The following CCDC66 variants were observed in gnomAD, a reference collection of about 807,000 sequenced individuals.
The protein encoded by CCDC66 is coiled-coil domain-containing protein 66.
CCDC66 carries 133 observed loss-of-function variants against 128.3 expected under a neutral mutation model. That is an observed-to-expected ratio of 1.04 (90% CI 0.90 to 1.20). The LOEUF (loss-of-function observed/expected upper bound fraction) is 1.20. Ranked by LOEUF, CCDC66 falls within the 50% of genes most tolerant of loss-of-function variation. The probability of loss-of-function intolerance (pLI) is 0.00; values close to 1 mark genes in which losing one functional copy is unlikely to be tolerated. For missense variants in CCDC66, 1,126 were observed against 1,075.5 expected, an observed-to-expected ratio of 1.05 and a Z score of -0.66; for synonymous variants, 387 against 357.0, an observed-to-expected ratio of 1.08 and a Z score of -0.95.
At chr3:56,603,075 T>A (rs942880666) in intron 10 of CCDC66, among the ~76,000 whole-genome samples, 1 of 151,960 alleles carries the variant, frequency 6.6e-6, no homozygotes, top group Non-Finnish European at 1.5e-5. Context: ...AACCTCGTGA[T>A]CCACCCACCT....
rs201503027 is a variant in CCDC66, at chr3:56,561,106, C to CA, written c.102+1513dup. The CA allele has an allele frequency of 8.6e-3, 3,657 of 424,584 alleles. 27 individuals carry two copies. Among genetic ancestry groups the CA allele is most frequent in the Non-Finnish European group, 0.013 (2,740 of 213,688 alleles). 26.3% of individuals were successfully genotyped at this position (424,584 alleles called of 1,614,324 possible). On this transcript the variant is annotated intron_variant, in intron 3 of 17. Transcript: ENST00000394672. ...ATATACCATGTATGCTCCCCAATCA[C>CA]AGACTACAGATTGTATGTTATTCCT...
chr3:56,598,480 CTTGTT>C (rs2072540012), intron 10 of CCDC66, among the ~76,000 whole-genome samples: 1 of 151,766 alleles, frequency 6.6e-6, no homozygotes, highest in African/African-American at 2.4e-5. Flanking sequence ...AGTGGGCATC[CTTGTT>C]TTGTTTTAGC....
chr3:56,609,071 G>A (rs558892708), intron 10 of CCDC66, among the ~76,000 whole-genome samples: 2 of 152,284 alleles, frequency 1.3e-5, no homozygotes, highest in African/African-American at 4.8e-5. Context: ...TGAATAGAAT[G>A]TGTATTCTGT....
In CCDC66 at chr3:56,621,643, T is replaced by G; in HGVS notation, c.*25T>G. 1.3e-6 allele frequency: 2 copies of G among 1,504,574 alleles called. No homozygotes were observed. The highest frequency in any genetic ancestry group is 1.8e-6 in the Non-Finnish European group (2 of 1,093,128). 93.2% of individuals were successfully genotyped at this position (1,504,574 alleles called of 1,614,324 possible). A position where few individuals can be genotyped will look rare whatever the true frequency, so the allele number is the denominator to read the frequency against. The stretch of plus-strand genomic sequence containing the variant: ...AATGTAGAAAATCAAATCCTTCACA[T>G]TTGATTTGTGTCTTCCAAATTATAA... On this transcript the variant is annotated 3_prime_UTR_variant, in exon 18 of 18. Coordinates refer to ENST00000394672, the MANE Select transcript of CCDC66 (RefSeq NM_001141947.3).
intron 10 of CCDC66, among the ~76,000 whole-genome samples, chr3:56,611,627 T>G (rs2074841885): frequency 7.3e-6 from 1 of 137,788 alleles, no homozygotes; most frequent in South Asian, 2.3e-4. Flanking sequence ...TGTTACAAAG[T>G]TCATCTAGAG....
At chr3:56,601,097 T>C (rs1055690489) in intron 10 of CCDC66, among the ~76,000 whole-genome samples, 18 of 152,280 alleles carry the variant, frequency 1.2e-4, no homozygotes, top group Middle Eastern at 3.4e-3. Flanking sequence ...AGGGTTTTTA[T>C]GGTTTTAGGT....
At chr3:56,588,440 C>T (rs2070227837) in intron 7 of CCDC66, among the ~76,000 whole-genome samples, 1 of 152,048 alleles carries the variant, frequency 6.6e-6, no homozygotes, top group Admixed American at 6.5e-5. Flanking sequence ...CCTGTTCCCC[C>T]AAAACCTATA....
rs751905245 is a variant in CCDC66, at chr3:56,571,269, A to G, written c.903A>G (p.Ile301Met). Residue 301 changes from isoleucine (I) to methionine (M), a missense_variant, in exon 7 of 18, where the codon ATA (isoleucine) becomes ATG (methionine). Coordinates refer to ENST00000394672, the MANE Select transcript of CCDC66 (RefSeq NM_001141947.3). ...AAAAATCTGAAAGTGATAAAATAAT[A>G]TGGGAAAAACATCAAATTCTTGACC... ...PWKKSESDKI[I>M]WEKHQILDQS... 10 of 1,543,608 alleles carry G rather than the reference A, an allele frequency of 6.5e-6. No individual in the cohort carries two copies. The highest frequency in any genetic ancestry group is 1.9e-5 in the Admixed American group (1 of 52,246).
intron 7 of CCDC66, among the ~76,000 whole-genome samples, chr3:56,580,670 G>A (rs2068207490): frequency 6.6e-6 from 1 of 151,764 alleles, no homozygotes; most frequent in Non-Finnish European, 1.5e-5. Context: ...CATTTATGAA[G>A]CTTAGTTTGG....
intron 15 of CCDC66, 198 bp from the exon 16 acceptor site, chr3:56,619,073 C>G (rs1389992646): frequency 2.1e-6 from 1 of 479,456 alleles, no homozygotes; most frequent in Non-Finnish European, 3.6e-6. Flanking sequence ...CAGAAACTAG[C>G]TGGGCACTGT....
rs754312288 is a variant in CCDC66, at chr3:56,609,567, A to G, written c.1405-4022A>G. Among the ~76,000 whole-genome samples the G allele has an allele frequency of 5.9e-5, 9 of 152,342 alleles. 1 individual carries two copies. Among genetic ancestry groups the G allele is most frequent in the Admixed American group, 1.3e-4 (2 of 15,302 alleles). On this transcript the variant is annotated intron_variant, in intron 10 of 17. Transcript: ENST00000394672. Reference sequence around the variant, plus strand: ...TAAGTGGAGCCTTTAGGCCATTTACATTCAATGTTAATATTGAAATGTGAG... The same window carrying G: ...TAAGTGGAGCCTTTAGGCCATTTACGTTCAATGTTAATATTGAAATGTGAG...
At position 56,618,208 on chromosome 3, in the gene CCDC66, G is replaced by C; in HGVS notation, c.2374G>C (p.Glu792Gln). The C allele has an allele frequency of 2.5e-6, 4 of 1,612,886 alleles. No homozygotes were observed. The highest frequency in any genetic ancestry group is 2.5e-6 in the Non-Finnish European group (3 of 1,178,924). ...EPLNIHSFSK[E>Q]RSPSSPVPVV... The stretch of plus-strand genomic sequence containing the variant: ...TCTGAATATTCATTCATTCAGCAAG[G>C]AAAGGTAAGTATGCATCAGATTAAT... The change falls in exon 15 of 18, where the codon GAA becomes CAA. Residue 792 changes from glutamate (E) to glutamine (Q), a missense_variant. Physicochemically the swap from Glu to Gln is conservative, Grantham distance 29. Transcript: ENST00000394672.
chr3:56,586,683 A>G (rs1207101124), intron 7 of CCDC66, among the ~76,000 whole-genome samples: 1 of 151,954 alleles, frequency 6.6e-6, no homozygotes, highest in Non-Finnish European at 1.5e-5. Flanking sequence ...CTTTGTTAAA[A>G]AGCAGAGATA....
intron 10 of CCDC66, 85 bp from the exon 11 acceptor site, chr3:56,613,504 T>C: frequency 6.7e-7 from 1 of 1,487,558 alleles, no homozygotes; most frequent in Non-Finnish European, 9.0e-7. Context: ...AGGTGAGCAC[T>C]GAATGTATCT....
chr3:56,621,733 C>A lies in CCDC66; in HGVS notation c.*115C>A. ...AGATTTACTTATTTTTTTAAATGCT[C>A]ATTAAAAACTTGTATACTATGTAGT... On this transcript the variant is annotated 3_prime_UTR_variant, in exon 18 of 18. Coordinates refer to ENST00000394672, the MANE Select transcript of CCDC66 (RefSeq NM_001141947.3). 8 of 528,092 alleles carry A rather than the reference C, an allele frequency of 1.5e-5. No homozygotes were observed. Among genetic ancestry groups the A allele is most frequent in the Middle Eastern group, 6.2e-4 (1 of 1,622 alleles). 32.7% of individuals were successfully genotyped at this position (528,092 alleles called of 1,614,324 possible).
At chr3:56,566,527 C>T (rs181954486) in intron 4 of CCDC66, 67 bp from the exon 5 acceptor site, 18 of 1,029,126 alleles carry the variant, frequency 1.7e-5, no homozygotes, top group Non-Finnish European at 2.5e-5. Context: ...AACTGTATAG[C>T]ACTATGCCAA....
chr3:56,583,571 C>T (rs578052075), intron 7 of CCDC66, among the ~76,000 whole-genome samples: 467 of 151,968 alleles, frequency 3.1e-3, no homozygotes, highest in Non-Finnish European at 5.4e-3. Context: ...ATCCATTTAA[C>T]CCTGAGTGGA....
chr3:56,594,447 GA>G (rs1202420422), intron 10 of CCDC66, among the ~76,000 whole-genome samples: 1 of 152,126 alleles, frequency 6.6e-6, no homozygotes, highest in Non-Finnish European at 1.5e-5. Context: ...AGCACTTTGG[GA>G]GGCTGAGTGG....
intron 6 of CCDC66, among the ~76,000 whole-genome samples, chr3:56,568,659 G>A (rs569008721): frequency 1.1e-3 from 168 of 152,194 alleles, no homozygotes; most frequent in Non-Finnish European, 2.1e-3. Context: ...CATCCTATGC[G>A]TTTAAGGATG....
Sources: allele counts gnomAD v4.1 joint callset (sites outside exome capture counted in the v4.1 genomes callset), GRCh38; gene constraint gnomAD v4.1.1; transcripts MANE v1.5; gene names NCBI Gene and HGNC (gene_info 2026-07-23, HGNC 2026-07-21).